Variants in BIRC6 observed in about 807,000 individuals in gnomAD.
BIRC6 encodes dual E2 ubiquitin-conjugating enzyme/E3 ubiquitin-protein ligase BIRC6.
BIRC6 carries 98 observed loss-of-function variants against 503.3 expected under a neutral mutation model. That is an observed-to-expected ratio of 0.19 (90% confidence interval 0.17 to 0.23). BIRC6 has a LOEUF of 0.23. BIRC6 is among the 10% of genes least tolerant of loss of function. The pLI, the probability that BIRC6 is intolerant of heterozygous loss-of-function variation, is 1.00. For synonymous variants in BIRC6, 2,240 were observed against 2,078.7 expected (o/e 1.08, Z -2.11); for missense variants, 5,360 against 5,806.0 (o/e 0.92, Z 2.50).
chr2:32,562,383 A>G (rs2059254505), intron 65 of BIRC6, among the ~76,000 whole-genome samples: 1 of 152,204 alleles, frequency 6.6e-6, no homozygotes. Flanking sequence ...TCCTACTCAC[A>G]GTTTACTTAT....
intron 24 of BIRC6, 58 bp from the exon 25 acceptor site, chr2:32,464,451 T>A (rs968341011): frequency 1.0e-5 from 15 of 1,474,104 alleles, no homozygotes; most frequent in Admixed American, 2.5e-5. Context: ...TGTGGTATTC[T>A]GCCACAATTT....
At chr2:32,497,666 G>C (rs890028289) in intron 45 of BIRC6, among the ~76,000 whole-genome samples, 4 of 152,078 alleles carry the variant, frequency 2.6e-5, no homozygotes, top group African/African-American at 9.7e-5. Flanking sequence ...GGATCTATAA[G>C]TTTCCTTCAT....
rs1237013405 is a variant in BIRC6 at position 32,464,628 on chromosome 2, C to T, written c.5061C>T (p.Phe1687=). 2 of 1,613,878 alleles carry T rather than the reference C, an allele frequency of 1.2e-6. No individual in the cohort carries two copies. Among genetic ancestry groups the T allele is most frequent in the Non-Finnish European group, 1.7e-6 (2 of 1,179,896 alleles). The part of the protein sequence containing the change: ...PSNPVAAPGF[F]IHPSDVIPPT... The stretch of plus-strand genomic sequence containing the variant: ...ACCCAGTGGCTGCCCCTGGATTCTT[C>T]ATTCATCCATCTGATGTTATTCCAC... The change falls in exon 25 of 74, where the codon TTC becomes TTT. Residue 1687 remains phenylalanine, a synonymous_variant. Transcript: ENST00000421745.
In BIRC6 at chr2:32,603,058, A is replaced by G. The variant is rs2062174144; in HGVS notation, c.14045A>G (p.Asn4682Ser). 2 of 1,612,330 alleles carry G rather than the reference A, an allele frequency of 1.2e-6. No homozygotes were observed. Among genetic ancestry groups the G allele is most frequent in the Non-Finnish European group, 1.7e-6 (2 of 1,179,344 alleles). Residue 4682 changes from asparagine (N) to serine (S), a missense_variant, in exon 71 of 74, where the codon AAT becomes AGT. Transcript: ENST00000421745. Reference protein sequence around the residue: ...TWHGRPEEKWNPQTSSFLQVL... With the variant: ...TWHGRPEEKWSPQTSSFLQVL... ...CATGGAAGACCAGAAGAGAAGTGGA[A>G]TCCTCAGACCTCAAGCTTTTTGCAA...
intron 15 of BIRC6, among the ~76,000 whole-genome samples, chr2:32,438,534 AGT>A (rs1033830761): frequency 2.6e-5 from 4 of 151,272 alleles, no homozygotes; most frequent in African/African-American, 9.7e-5. Flanking sequence ...ATCACATACT[AGT>A]GATAATAATT....
chr2:32,367,419 C>T (rs1486416267), intron 1 of BIRC6, among the ~76,000 whole-genome samples: 3 of 150,416 alleles, frequency 2.0e-5, no homozygotes, highest in Non-Finnish European at 4.4e-5. Flanking sequence ...GCTGAGATTG[C>T]ACCATTGCAA....
At chr2:32,432,667 G>T (rs2148026943) in intron 12 of BIRC6, among the ~76,000 whole-genome samples, 1 of 151,958 alleles carries the variant, frequency 6.6e-6, no homozygotes, top group South Asian at 2.1e-4. Context: ...AACTGAGGTG[G>T]GAGAATCACT....
At chr2:32,502,942 T>C (rs569016832) in intron 48 of BIRC6, 51 bp downstream of exon 48, 16 of 1,536,700 alleles carry the variant, frequency 1.0e-5, no homozygotes, top group Admixed American at 3.8e-5. Flanking sequence ...TGTGATAGTA[T>C]GTTACATTTT....
chr2:32,538,062 A>G (rs2057377373), intron 61 of BIRC6, among the ~76,000 whole-genome samples: 1 of 152,230 alleles, frequency 6.6e-6, no homozygotes, highest in Non-Finnish European at 1.5e-5. Flanking sequence ...CAATATTAAT[A>G]GAATCAATTC....
intron 1 of BIRC6, among the ~76,000 whole-genome samples, chr2:32,376,247 T>A (rs1344243209): frequency 6.6e-6 from 1 of 151,558 alleles, no homozygotes. Flanking sequence ...TTACTGCGAT[T>A]ACCAATTAAC....
intron 4 of BIRC6, among the ~76,000 whole-genome samples, chr2:32,390,537 A>G (rs1017355851): frequency 6.6e-6 from 1 of 151,568 alleles, no homozygotes; most frequent in Admixed American, 6.6e-5. Context: ...CTGGTCTCGA[A>G]CTCCTGACCT....
intron 33 of BIRC6, among the ~76,000 whole-genome samples, chr2:32,473,688 G>A (rs1309951404): frequency 1.5e-5 from 2 of 132,098 alleles, no homozygotes; most frequent in African/African-American, 5.7e-5. Context: ...CTTTTTCCAT[G>A]TCTTTTTTCT....
At chr2:32,414,317 C>T (rs1439166522) in intron 9 of BIRC6, among the ~76,000 whole-genome samples, 4 of 152,072 alleles carry the variant, frequency 2.6e-5, no homozygotes, top group Non-Finnish European at 2.9e-5. Flanking sequence ...TTTCCATCTG[C>T]AGTTAGTTGA....
chr2:32,611,108 C>CTTTTTTTTTTTTTT (rs1245765148), intron 72 of BIRC6, among the ~76,000 whole-genome samples: 9 of 126,166 alleles, frequency 7.1e-5, no homozygotes, highest in Admixed American at 6.7e-4. Context: ...ATTAAATTGC[C>CTTTTTTTTTTTTTT]TTTTTTTTTT....
In BIRC6 at chr2:32,575,376, A is replaced by G. The variant is rs769121041; in HGVS notation, c.13355+10A>G. The G allele has an allele frequency of 6.2e-6, 10 of 1,610,086 alleles. No homozygotes were observed. In the Admixed American group the frequency reaches 1.7e-4, roughly 27 times the overall value. On this transcript the variant is annotated intron_variant, in intron 66 of 73. Transcript: ENST00000421745. ...ATACCAACCGTTTAAGGTACTATAT[A>G]CAATGTTCATTTCTCTTGAGTTTGC...
At chr2:32,540,098 G>A (rs937055367) in intron 61 of BIRC6, among the ~76,000 whole-genome samples, 3 of 151,980 alleles carry the variant, frequency 2.0e-5, no homozygotes, top group African/African-American at 7.2e-5. Flanking sequence ...GCATGTATAC[G>A]TTTGTATGTA....
At chr2:32,609,380 A>T (rs370950775) in intron 72 of BIRC6, among the ~76,000 whole-genome samples, 1 of 151,976 alleles carries the variant, frequency 6.6e-6, no homozygotes, top group Non-Finnish European at 1.5e-5. Flanking sequence ...TTCACCTGCC[A>T]TATCAAATGA....
At chr2:32,547,746 CTG>C (rs2058152436) in intron 63 of BIRC6, 102 bp from the exon 64 acceptor site, 1 of 1,050,328 alleles carries the variant, frequency 9.5e-7, no homozygotes. Flanking sequence ...AGCCACCAAA[CTG>C]TTTTCCATAG....
rs183628182 is a variant in BIRC6 at position 32,562,694 on chromosome 2, A to C, written c.13145-12462A>C. Among the ~76,000 whole-genome samples, 5 of 152,306 alleles carry C rather than the reference A, an allele frequency of 3.3e-5. No individual in the cohort carries two copies. The East Asian group carries it at 9.6e-4, about 29-fold the overall frequency. ...AATGTCATATAGTTGTAATCATAAG[A>C]TCTAGCCTTTTAGATTGGCTTCTTT... is the stretch of plus-strand genomic sequence containing the variant. On this transcript the variant is annotated intron_variant, in intron 65 of 73. Coordinates refer to ENST00000421745, the MANE Select transcript of BIRC6 (RefSeq NM_016252.4).
Sources: allele counts gnomAD v4.1 joint callset (sites outside exome capture counted in the v4.1 genomes callset), GRCh38; gene constraint gnomAD v4.1.1; transcripts MANE v1.5; gene names NCBI Gene and HGNC (gene_info 2026-07-23, HGNC 2026-07-21).